The following MAML3 variants were observed in gnomAD, a reference collection of about 807,000 sequenced individuals.
MAML3 encodes mastermind-like protein 3.
MAML3 carries 27 observed loss-of-function variants against 101.9 expected under a neutral mutation model. The ratio of observed to expected loss-of-function variants is 0.27; its 90% CI spans 0.20 to 0.37. MAML3 has a LOEUF of 0.37. Ranked by LOEUF, MAML3 falls within the 10% of genes least tolerant of loss-of-function variation. MAML3 has a pLI of 1.00. For missense variants in MAML3, 1,316 were observed against 1,444.9 expected (o/e 0.91, Z 1.45); for synonymous variants, 501 against 555.9 (o/e 0.90, Z 1.39).
Position 139,772,025 on chromosome 4 carries a change from G to T in MAML3, c.2080-41358C>A, listed in dbSNP as rs1308842674. Among the ~76,000 whole-genome samples, 12 of 150,962 alleles carry T rather than the reference G, an allele frequency of 7.9e-5. No homozygotes were observed. The South Asian group carries it at 2.5e-3, about 32-fold the overall frequency. On this transcript the variant is annotated intron_variant, in intron 2 of 4. Transcript: ENST00000509479. ...GAGGCCGAGGTGGGCGGATCACGAG[G>T]TCAGCAGATCCAGACCATCCTGGCT...
intron 1 of MAML3, among the ~76,000 whole-genome samples, chr4:139,963,181 G>T (rs1185164356): frequency 6.6e-6 from 1 of 152,170 alleles, no homozygotes; most frequent in Non-Finnish European, 1.5e-5. Flanking sequence ...CTATTCAGGA[G>T]GCTAAGGCAG....
At chr4:139,901,114 C>A (rs181641400) in intron 1 of MAML3, among the ~76,000 whole-genome samples, 1 of 152,332 alleles carries the variant, frequency 6.6e-6, no homozygotes, top group South Asian at 2.1e-4. Context: ...TCATGACGCT[C>A]TAAAGGGGAT....
intron 1 of MAML3, among the ~76,000 whole-genome samples, chr4:139,926,375 G>A (rs1733258853): frequency 6.6e-6 from 1 of 152,222 alleles, no homozygotes; most frequent in Non-Finnish European, 1.5e-5. Context: ...GAGGCGGGCG[G>A]ATCACCTGAG....
At chr4:140,139,072 G>A (rs1423469062) in intron 1 of MAML3, among the ~76,000 whole-genome samples, 1 of 152,122 alleles carries the variant, frequency 6.6e-6, no homozygotes, top group East Asian at 1.9e-4. Context: ...AGGAGTTTGA[G>A]ACCAGCCTGG....
intron 1 of MAML3, among the ~76,000 whole-genome samples, chr4:140,017,561 A>C (rs1429373589): frequency 1.3e-5 from 2 of 152,074 alleles, no homozygotes; most frequent in African/African-American, 4.8e-5. Flanking sequence ...CTTTCAAGGG[A>C]TGAATGCTTA....
intron 1 of MAML3, among the ~76,000 whole-genome samples, chr4:139,920,185 C>T (rs1733100279): frequency 6.6e-6 from 1 of 152,140 alleles, no homozygotes; most frequent in Non-Finnish European, 1.5e-5. Flanking sequence ...ATGACATTCA[C>T]TTTTTTTGCC....
intron 1 of MAML3, among the ~76,000 whole-genome samples, chr4:140,036,098 G>A (rs1353306298): frequency 6.6e-6 from 1 of 152,190 alleles, no homozygotes; most frequent in Non-Finnish European, 1.5e-5. Context: ...GCCTTATTCT[G>A]TTGTCAACAG....
At chr4:139,789,504 G>A (rs909420186) in intron 2 of MAML3, among the ~76,000 whole-genome samples, 1 of 152,170 alleles carries the variant, frequency 6.6e-6, no homozygotes, top group Non-Finnish European at 1.5e-5. Flanking sequence ...TTGAGTCCGT[G>A]TGTAGGAGCT....
chr4:139,917,790 G>T (rs988672915), intron 1 of MAML3, among the ~76,000 whole-genome samples: 1 of 152,106 alleles, frequency 6.6e-6, no homozygotes, highest in African/African-American at 2.4e-5. Flanking sequence ...ATTTGCAAAG[G>T]GGATTCTTTA....
chr4:139,800,286 T>C (rs1336052896), intron 2 of MAML3, among the ~76,000 whole-genome samples: 1 of 152,200 alleles, frequency 6.6e-6, no homozygotes, highest in African/African-American at 2.4e-5. Flanking sequence ...GATTGTTTAA[T>C]GATTACCTGT....
chr4:140,134,772 A>G (rs1402666068), intron 1 of MAML3, among the ~76,000 whole-genome samples: 2 of 152,204 alleles, frequency 1.3e-5, no homozygotes, highest in Non-Finnish European at 2.9e-5. Flanking sequence ...GACCAAGAAT[A>G]TGGTGACATT....
chr4:140,151,031 G>A (rs1478117236), intron 1 of MAML3, among the ~76,000 whole-genome samples: 1 of 150,984 alleles, frequency 6.6e-6, no homozygotes, highest in Non-Finnish European at 1.5e-5. Flanking sequence ...GCGGGGCGGG[G>A]ACAGCCGCGA....
intron 1 of MAML3, among the ~76,000 whole-genome samples, chr4:140,069,692 G>GA (rs1329346524): frequency 2.3e-5 from 2 of 85,764 alleles, no homozygotes; most frequent in South Asian, 8.2e-4. Context: ...AAGAAAGAAA[G>GA]AAGAAGAAGA....
At chr4:139,947,464 A>G (rs1733751031) in intron 1 of MAML3, among the ~76,000 whole-genome samples, 1 of 152,186 alleles carries the variant, frequency 6.6e-6, no homozygotes, top group African/African-American at 2.4e-5. Context: ...TTCATGTAAC[A>G]CTAACAATGC....
At chr4:139,754,822 C>G (rs1246406619) in intron 2 of MAML3, among the ~76,000 whole-genome samples, 1 of 152,200 alleles carries the variant, frequency 6.6e-6, no homozygotes, top group Non-Finnish European at 1.5e-5. Flanking sequence ...AAAGAAGACA[C>G]TGTAAATAAA....
intron 1 of MAML3, among the ~76,000 whole-genome samples, chr4:140,010,700 A>T (rs192272240): frequency 6.6e-6 from 1 of 152,174 alleles, no homozygotes; most frequent in Non-Finnish European, 1.5e-5. Context: ...AAGATCAGTG[A>T]AAACAAAAAA....
intron 1 of MAML3, among the ~76,000 whole-genome samples, chr4:139,897,575 T>A (rs1732637871): frequency 1.3e-5 from 2 of 152,318 alleles, no homozygotes; most frequent in South Asian, 2.1e-4. Flanking sequence ...TAGTCTCATC[T>A]TCCGCCCACA....
chr4:140,134,495 T>G (rs1455603063), intron 1 of MAML3: 2 of 387,432 alleles, frequency 5.2e-6, no homozygotes, highest in Non-Finnish European at 1.0e-5. Flanking sequence ...TAAAAACATT[T>G]TTTCAAGACC....
chr4:139,831,613 G>A (rs994748721), intron 2 of MAML3, among the ~76,000 whole-genome samples: 1 of 152,074 alleles, frequency 6.6e-6, no homozygotes, highest in African/African-American at 2.4e-5. Flanking sequence ...CCTGACAAAG[G>A]AACCAAATAT....
Sources: gnomAD v4.1 joint callset for allele counts (sites outside exome capture counted in the v4.1 genomes callset) on GRCh38, gnomAD v4.1.1 for gene constraint, MANE v1.5 for transcripts, NCBI Gene and HGNC (gene_info 2026-07-23, HGNC 2026-07-21) for gene names.